SEMA3E: variants seen among roughly 807,000 people sequenced by gnomAD.
SEMA3E encodes the protein semaphorin 3E.
In SEMA3E, 49 loss-of-function variants were observed where a neutral mutation model predicts 93.6. The ratio of observed to expected loss-of-function variants is 0.52; its 90% confidence interval spans 0.42 to 0.66. The LOEUF (loss-of-function observed/expected upper bound fraction) is 0.66. Ranked by LOEUF, SEMA3E falls within the 30% of genes least tolerant of loss-of-function variation. The pLI, the probability that SEMA3E is intolerant of heterozygous loss-of-function variation, is 0.00. For synonymous variants in SEMA3E, 363 were observed against 330.7 expected, an observed-to-expected ratio of 1.10 and a Z score of -1.06; for missense variants, 906 against 964.8, an observed-to-expected ratio of 0.94 and a Z score of 0.81.
chr7:83,608,903 G>T (rs189156013), intron 1 of SEMA3E, among the ~76,000 whole-genome samples: 80 of 152,194 alleles, frequency 5.3e-4, no homozygotes, highest in Non-Finnish European at 7.1e-4. Flanking sequence ...GTAGACTGTG[G>T]TATAACTTGC....
intron 2 of SEMA3E, among the ~76,000 whole-genome samples, chr7:83,472,978 G>T (rs2115905845): frequency 6.6e-6 from 1 of 152,272 alleles, no homozygotes; most frequent in East Asian, 1.9e-4. Flanking sequence ...ATGATTGCAA[G>T]TTTCCTGAGG....
At chr7:83,510,694 T>A (rs534689450) in intron 1 of SEMA3E, among the ~76,000 whole-genome samples, 3 of 152,176 alleles carry the variant, frequency 2.0e-5, no homozygotes, top group Admixed American at 6.5e-5. Flanking sequence ...CTGGCAAAAG[T>A]TGAGATAGAA....
chr7:83,564,464 T>C (rs879492593), intron 1 of SEMA3E, among the ~76,000 whole-genome samples: 3 of 152,124 alleles, frequency 2.0e-5, no homozygotes, highest in Non-Finnish European at 4.4e-5. Context: ...TTGAATGCCA[T>C]GGCCAAGTTT....
At chr7:83,442,951 G>T (rs1182464462) in intron 4 of SEMA3E, among the ~76,000 whole-genome samples, 1 of 152,302 alleles carries the variant, frequency 6.6e-6, no homozygotes, top group Admixed American at 6.5e-5. Context: ...TTAGTAGCTT[G>T]TGTCGATGAA....
Position 83,460,479 on chromosome 7 carries a change from G to A in SEMA3E, c.456+6003C>T, listed in dbSNP as rs145542110. The stretch of plus-strand genomic sequence containing the variant: ...CTTGGTGTTTAATCATTGCAGGGAC[G>A]CCGCTCTGATTATTTACCCACGTTT... On this transcript the variant is annotated intron_variant, in intron 4 of 16. Transcript: ENST00000643230. 7.9e-3 allele frequency among the ~76,000 whole-genome samples: 1,195 copies of A among 152,064 alleles called. 14 individuals carry two copies. Among genetic ancestry groups the A allele is most frequent in the African/African-American group, 0.027 (1,132 of 41,482 alleles).
chr7:83,572,496 A>G (rs575213843), intron 1 of SEMA3E, among the ~76,000 whole-genome samples: 3 of 152,154 alleles, frequency 2.0e-5, no homozygotes, highest in Non-Finnish European at 4.4e-5. Flanking sequence ...AAAATTAGCC[A>G]GGCATGGTGG....
In SEMA3E at chr7:83,448,218, A is replaced by G. The variant is rs189050604; in HGVS notation, c.456+18264T>C. Among the ~76,000 whole-genome samples the G allele has an allele frequency of 2.8e-4, 42 of 152,352 alleles. No homozygotes were observed. In the East Asian group the frequency reaches 7.1e-3, roughly 26 times the overall value. On this transcript the variant is annotated intron_variant, in intron 4 of 16. Coordinates refer to ENST00000643230, the MANE Select transcript of SEMA3E (RefSeq NM_012431.3). Reference sequence around the variant, plus strand: ...TCCATATCATGTCCATGAATTAGCAATATAGTGTGTGACTGAATTTATAAC... The same window carrying G: ...TCCATATCATGTCCATGAATTAGCAGTATAGTGTGTGACTGAATTTATAAC...
intron 2 of SEMA3E, among the ~76,000 whole-genome samples, chr7:83,482,784 T>C (rs1790174547): frequency 6.6e-6 from 1 of 151,814 alleles, no homozygotes; most frequent in African/African-American, 2.4e-5. Context: ...AAAAATCAGA[T>C]CTTGGAATAA....
chr7:83,435,642 CAG>C (rs1411510109), intron 4 of SEMA3E, among the ~76,000 whole-genome samples: 1 of 151,936 alleles, frequency 6.6e-6, no homozygotes, highest in African/African-American at 2.4e-5. Flanking sequence ...AAAAGAAAGA[CAG>C]AAACTATTTA....
At chr7:83,374,506 G>A (rs1449567779) in intron 16 of SEMA3E, among the ~76,000 whole-genome samples, 1 of 152,104 alleles carries the variant, frequency 6.6e-6, no homozygotes, top group Non-Finnish European at 1.5e-5. Flanking sequence ...GTGATAGCAA[G>A]AGTTAATTAC....
At chr7:83,567,683 A>C (rs570902068) in intron 1 of SEMA3E, among the ~76,000 whole-genome samples, 2 of 152,092 alleles carry the variant, frequency 1.3e-5, no homozygotes, top group Non-Finnish European at 2.9e-5. Context: ...AAACTTAAAA[A>C]ATTTTTTTAA....
Position 83,363,272 on chromosome 7 carries a change from C to T in SEMA3E, c.*4314G>A, listed in dbSNP as rs1028598421. The T allele has an allele frequency of 5.3e-5, 8 of 152,194 alleles. No individual in the cohort carries two copies. Among genetic ancestry groups the T allele is most frequent in the Admixed American group, 3.9e-4 (6 of 15,284 alleles). 9.4% of individuals were successfully genotyped at this position (152,194 alleles called of 1,614,324 possible). ...TAGCAAATATTTATTTCTTTTTCAT[C>T]GAAGTTGAGCCAAATAGAGATTGTA... On this transcript the variant is annotated 3_prime_UTR_variant, in exon 17 of 17. Transcript: ENST00000643230.
intron 1 of SEMA3E, among the ~76,000 whole-genome samples, chr7:83,638,721 T>C (rs1404903151): frequency 6.6e-6 from 1 of 152,116 alleles, no homozygotes; most frequent in Non-Finnish European, 1.5e-5. Context: ...AAAGGTAATA[T>C]GAGCTTGAGG....
At chr7:83,433,976 T>C (rs1486350303) in intron 4 of SEMA3E, among the ~76,000 whole-genome samples, 1 of 152,078 alleles carries the variant, frequency 6.6e-6, no homozygotes, top group Non-Finnish European at 1.5e-5. Flanking sequence ...ATTTCTATAC[T>C]TAATAATTTT....
chr7:83,647,065 G>A (rs1201340231), intron 1 of SEMA3E, among the ~76,000 whole-genome samples: 1 of 151,994 alleles, frequency 6.6e-6, no homozygotes, highest in East Asian at 1.9e-4. Flanking sequence ...TACATACCAT[G>A]ATACATCTTC....
intron 11 of SEMA3E, among the ~76,000 whole-genome samples, chr7:83,398,509 A>G (rs1788170408): frequency 6.6e-6 from 1 of 152,248 alleles, no homozygotes; most frequent in Admixed American, 6.5e-5. Flanking sequence ...AAATCTGATG[A>G]CACCGTTAAT....
chr7:83,371,998 A>G (rs965435560), intron 16 of SEMA3E: 4 of 332,626 alleles, frequency 1.2e-5, no homozygotes, highest in African/African-American at 8.4e-5. Flanking sequence ...CTCTTCAAAC[A>G]TATAAGTTTT....
At chr7:83,422,232 G>T (rs1278684830) in intron 4 of SEMA3E, among the ~76,000 whole-genome samples, 1 of 152,012 alleles carries the variant, frequency 6.6e-6, no homozygotes, top group Non-Finnish European at 1.5e-5. Flanking sequence ...AACAAATGTG[G>T]CCTCCTGACC....
chr7:83,406,777 A>T (rs1440615852), intron 7 of SEMA3E, among the ~76,000 whole-genome samples: 1 of 152,118 alleles, frequency 6.6e-6, no homozygotes, highest in Non-Finnish European at 1.5e-5. Context: ...ACTGTGTACT[A>T]AAGGAATAAA....
Sources: allele counts gnomAD v4.1 joint callset (sites outside exome capture counted in the v4.1 genomes callset), GRCh38; gene constraint gnomAD v4.1.1; transcripts MANE v1.5; gene names NCBI Gene and HGNC (gene_info 2026-07-23, HGNC 2026-07-21).